DLG2: variants seen among roughly 807,000 people sequenced by gnomAD.
DLG2 encodes the protein disks large homolog 2.
In DLG2, 45 loss-of-function variants were observed where a neutral mutation model predicts 132.5. That is an observed-to-expected ratio of 0.34 (90% CI 0.27 to 0.44). The LOEUF is 0.44. Among genes scored for constraint, DLG2 ranks in the 20% least tolerant of loss-of-function variants. DLG2 has a pLI of 1.00. For missense variants in DLG2, 1,045 were observed against 1,196.9 expected (o/e 0.87, Z 1.87); for synonymous variants, 424 against 419.6 (o/e 1.01, Z -0.13).
At chr11:83,628,808 T>C (rs79212339) in intron 19 of DLG2, among the ~76,000 whole-genome samples, 3,676 of 152,252 alleles carry the variant, frequency 0.024, 144 homozygotes, top group African/African-American at 0.078. Flanking sequence ...TTCCCTCTTG[T>C]CTATTCCATC....
chr11:84,990,294 T>C (rs1222038541), intron 6 of DLG2, among the ~76,000 whole-genome samples: 1 of 152,244 alleles, frequency 6.6e-6, no homozygotes, highest in Non-Finnish European at 1.5e-5. Context: ...AAATTCATTT[T>C]GAAACTTAAT....
chr11:84,366,253 A>G (rs1236245239), intron 7 of DLG2, among the ~76,000 whole-genome samples: 2 of 152,058 alleles, frequency 1.3e-5, no homozygotes, highest in African/African-American at 4.8e-5. Flanking sequence ...CTTTACGGAC[A>G]AGCAAATGCT....
intron 18 of DLG2, chr11:83,724,807 C>T (rs1191917112): frequency 4.3e-6 from 3 of 701,834 alleles, no homozygotes; most frequent in East Asian, 2.7e-5. Flanking sequence ...ACCTCCCCCA[C>T]ATGGTCTGTC....
At chr11:85,093,309 GTT>G (rs67241693) in intron 6 of DLG2, among the ~76,000 whole-genome samples, 77 of 150,506 alleles carry the variant, frequency 5.1e-4, no homozygotes, top group African/African-American at 1.7e-3. Flanking sequence ...GGGAGTTTTT[GTT>G]TTTTTTTTGT....
chr11:84,154,150 A>T (rs894808314), intron 9 of DLG2, among the ~76,000 whole-genome samples: 1 of 152,158 alleles, frequency 6.6e-6, no homozygotes, highest in Non-Finnish European at 1.5e-5. Flanking sequence ...GGCACACGCC[A>T]ACATGCCCAG....
At chr11:83,723,814 C>G (rs1434325945) in intron 18 of DLG2, among the ~76,000 whole-genome samples, 1 of 152,086 alleles carries the variant, frequency 6.6e-6, no homozygotes, top group Non-Finnish European at 1.5e-5. Context: ...CAAGATCGCA[C>G]CACTGCACTC....
rs1453135118 is a variant in DLG2 at position 83,484,069 on chromosome 11, TG to T, written c.2293+59del. 5 of 1,391,344 alleles carry T rather than the reference TG, an allele frequency of 3.6e-6. No homozygotes were observed. The African/African-American group carries it at 7.1e-5, about 20-fold the overall frequency. 86.2% of individuals were successfully genotyped at this position (1,391,344 alleles called of 1,614,324 possible). A position where few individuals can be genotyped will look rare whatever the true frequency, so the allele number is the denominator to read the frequency against. The stretch of plus-strand genomic sequence containing the variant: ...GTGGGAGAGCCTACATCCTGCGTGT[TG>T]CCTGTGAATTTTTTTTCTCTTATGT... On this transcript the variant is annotated intron_variant, in intron 22 of 27. Coordinates refer to ENST00000376104, the MANE Select transcript of DLG2 (RefSeq NM_001142699.3).
At chr11:84,539,345 GA>G (rs1309602269) in intron 6 of DLG2, among the ~76,000 whole-genome samples, 1 of 152,138 alleles carries the variant, frequency 6.6e-6, no homozygotes. Flanking sequence ...AAATTTTTAG[GA>G]AATATTCTTA....
chr11:83,875,211 T>A (rs2064457184), intron 15 of DLG2, among the ~76,000 whole-genome samples: 2 of 152,170 alleles, frequency 1.3e-5, no homozygotes, highest in African/African-American at 4.8e-5. Context: ...AAATTTAATG[T>A]AGTTCTAGAT....
Position 85,309,288 on chromosome 11 carries a change from C to G in DLG2, c.41-23923G>C, listed in dbSNP as rs1042650779. 2.6e-5 allele frequency among the ~76,000 whole-genome samples: 4 copies of G among 152,086 alleles called. No homozygotes were observed. The South Asian group carries it at 8.3e-4, about 32-fold the overall frequency. ...GCTCAGATAATCCTGAGCCAACACACAGATCCATGAGTATAAAAGATTGCT... is the reference window on the plus strand; with the variant it reads ...GCTCAGATAATCCTGAGCCAACACAGAGATCCATGAGTATAAAAGATTGCT... On this transcript the variant is annotated intron_variant, in intron 3 of 27. Coordinates refer to ENST00000376104, the MANE Select transcript of DLG2 (RefSeq NM_001142699.3).
chr11:84,352,194 T>C (rs991777625), intron 7 of DLG2, among the ~76,000 whole-genome samples: 40 of 152,330 alleles, frequency 2.6e-4, no homozygotes, highest in Middle Eastern at 6.8e-3. Flanking sequence ...TGTGTTTTTC[T>C]CCTACTAGCT....
intron 6 of DLG2, among the ~76,000 whole-genome samples, chr11:84,672,015 A>C (rs2099706427): frequency 8.5e-5 from 13 of 152,196 alleles, no homozygotes; most frequent in Admixed American, 8.5e-4. Flanking sequence ...TCAGTTATCC[A>C]GAACCTCATT....
intron 8 of DLG2, among the ~76,000 whole-genome samples, chr11:84,246,022 C>T (rs2097298094): frequency 6.6e-6 from 1 of 152,174 alleles, no homozygotes; most frequent in Non-Finnish European, 1.5e-5. Flanking sequence ...CTTTGACTAT[C>T]ACAATATGAA....
intron 7 of DLG2, among the ~76,000 whole-genome samples, chr11:84,286,462 G>T (rs1354180173): frequency 6.6e-6 from 1 of 151,734 alleles, no homozygotes; most frequent in Admixed American, 6.6e-5. Context: ...TCTTAAGGAA[G>T]CCATTGCAAT....
intron 3 of DLG2, among the ~76,000 whole-genome samples, chr11:85,486,312 TCTAA>T (rs1219905685): frequency 7.6e-5 from 11 of 145,628 alleles, no homozygotes; most frequent in Non-Finnish European, 1.5e-4. Context: ...CCCACAATGC[TCTAA>T]CTGAGAGGGG....
chr11:84,540,285 C>T (rs1409728961), intron 6 of DLG2, among the ~76,000 whole-genome samples: 1 of 151,532 alleles, frequency 6.6e-6, no homozygotes, highest in Non-Finnish European at 1.5e-5. Flanking sequence ...TTTTTACAAT[C>T]TACCCATCTG....
At chr11:84,703,805 T>C (rs754369491) in intron 6 of DLG2, among the ~76,000 whole-genome samples, 2 of 147,436 alleles carry the variant, frequency 1.4e-5, no homozygotes, top group Non-Finnish European at 3.0e-5. Flanking sequence ...TCCTGGATAA[T>C]ATTTTTAGTG....
intron 7 of DLG2, among the ~76,000 whole-genome samples, chr11:84,265,316 A>AT (rs1251267770): frequency 6.6e-6 from 1 of 152,184 alleles, no homozygotes; most frequent in Non-Finnish European, 1.5e-5. Context: ...TAAGAGTTCA[A>AT]TTCACATGAT....
intron 6 of DLG2, among the ~76,000 whole-genome samples, chr11:84,817,574 T>C (rs986038639): frequency 6.6e-6 from 1 of 151,976 alleles, no homozygotes; most frequent in Non-Finnish European, 1.5e-5. Context: ...TGAATACTAG[T>C]TGACAAAGAA....
Sources: gnomAD v4.1 joint callset for allele counts (sites outside exome capture counted in the v4.1 genomes callset) on GRCh38, gnomAD v4.1.1 for gene constraint, MANE v1.5 for transcripts, NCBI Gene and HGNC (gene_info 2026-07-23, HGNC 2026-07-21) for gene names.